NEK7: variants seen among roughly 807,000 people sequenced by gnomAD.
NEK7 encodes the protein serine/threonine-protein kinase Nek7.
Under a neutral mutation model 44.6 loss-of-function variants are expected in NEK7, and 18 were observed. The observed-to-expected ratio is 0.40, with a 90% CI of 0.28 to 0.60. NEK7 has a LOEUF of 0.60. Ranked by LOEUF, NEK7 falls within the 20% of genes least tolerant of loss-of-function variation. NEK7 has a pLI of 0.38. For missense variants in NEK7, 256 were observed against 366.5 expected (o/e 0.70, Z 2.46); for synonymous variants, 130 against 121.1 (o/e 1.07, Z -0.48).
intron 1 of NEK7, among the ~76,000 whole-genome samples, chr1:198,218,365 A>G (rs1053467111): frequency 6.6e-6 from 1 of 152,084 alleles, no homozygotes; most frequent in African/African-American, 2.4e-5. Flanking sequence ...TTGGATAGCC[A>G]CATGTAGAAG....
chr1:198,157,145 TG>T lies in NEK7; in HGVS notation c.-158del, dbSNP rs1450213683. 6.6e-6 allele frequency: 1 copy of T among 150,942 alleles called. No individual in the cohort carries two copies. Among genetic ancestry groups the T allele is most frequent in the Non-Finnish European group, 1.5e-5 (1 of 67,722 alleles). 9.4% of individuals were successfully genotyped at this position (150,942 alleles called of 1,614,324 possible). A position where few individuals can be genotyped will look rare whatever the true frequency, so the allele number is the denominator to read the frequency against. On this transcript the variant is annotated 5_prime_UTR_variant, in exon 1 of 10. Coordinates refer to ENST00000367385, the MANE Select transcript of NEK7 (RefSeq NM_133494.3). ...TCCGCCGGGGCGGCGCGGCGGGAGG[TG>T]GCCGACAGGCTCCGGGCCTCGCAGC...
intron 2 of NEK7, among the ~76,000 whole-genome samples, chr1:198,233,663 C>T (rs1666464115): frequency 6.6e-6 from 1 of 151,678 alleles, no homozygotes; most frequent in African/African-American, 2.4e-5. Context: ...CAGAGCCTTT[C>T]CTACACTAGT....
intron 8 of NEK7, among the ~76,000 whole-genome samples, chr1:198,293,589 G>A (rs1359561086): frequency 6.6e-6 from 1 of 151,876 alleles, no homozygotes; most frequent in Non-Finnish European, 1.5e-5. Context: ...ATCAAAGGAA[G>A]ATGGAATCAT....
intron 3 of NEK7, among the ~76,000 whole-genome samples, chr1:198,258,199 G>T (rs563642100): frequency 6.6e-6 from 1 of 152,278 alleles, no homozygotes; most frequent in Admixed American, 6.5e-5. Flanking sequence ...CCAGCATTTT[G>T]GGAGGCTGAG....
At chr1:198,229,018 C>T (rs551506828) in intron 1 of NEK7, among the ~76,000 whole-genome samples, 42 of 152,226 alleles carry the variant, frequency 2.8e-4, no homozygotes, top group South Asian at 2.1e-4. Flanking sequence ...TTTCAGAAGG[C>T]GTTCTGCCCC....
intron 7 of NEK7, among the ~76,000 whole-genome samples, chr1:198,281,894 G>A (rs983762686): frequency 2.6e-5 from 4 of 151,914 alleles, no homozygotes; most frequent in Admixed American, 2.6e-4. Flanking sequence ...TGTATAGGTG[G>A]CCACATTTCC....
At chr1:198,287,488 T>C (rs951523724) in intron 7 of NEK7, among the ~76,000 whole-genome samples, 1 of 152,172 alleles carries the variant, frequency 6.6e-6, no homozygotes, top group Non-Finnish European at 1.5e-5. Flanking sequence ...AAAATAAATA[T>C]TTCTTTTTTG....
At chr1:198,220,818 GGA>G (rs1333124343) in intron 1 of NEK7, 1 of 151,970 alleles carries the variant, frequency 6.6e-6, no homozygotes, top group Non-Finnish European at 1.5e-5. Flanking sequence ...ATTTTCCTTT[GGA>G]TGGGAGTAGT....
intron 1 of NEK7, among the ~76,000 whole-genome samples, chr1:198,214,415 A>G (rs1310364554): frequency 6.6e-6 from 1 of 152,194 alleles, no homozygotes; most frequent in Non-Finnish European, 1.5e-5. Flanking sequence ...ATGCAAACCA[A>G]CATAAGTTTT....
rs1158152737 is a variant in NEK7, at chr1:198,228,300, G to A, written c.-28-4253G>A. Among the ~76,000 whole-genome samples the A allele has an allele frequency of 7.9e-5, 12 of 152,260 alleles. 1 individual carries two copies. The highest frequency in any genetic ancestry group is 9.6e-5 in the African/African-American group (4 of 41,542). Reference sequence around the variant, plus strand: ...GTAGTATAGTTTGAAGTCAGGTAGTGTGATGCCTCCAGTTTTGTTCTTTTG... The same window carrying A: ...GTAGTATAGTTTGAAGTCAGGTAGTATGATGCCTCCAGTTTTGTTCTTTTG... On this transcript the variant is annotated intron_variant, in intron 1 of 9. Coordinates refer to ENST00000367385, the MANE Select transcript of NEK7 (RefSeq NM_133494.3).
intron 3 of NEK7, among the ~76,000 whole-genome samples, chr1:198,253,501 T>G (rs1653150782): frequency 6.6e-6 from 1 of 152,146 alleles, no homozygotes; most frequent in South Asian, 2.1e-4. Context: ...CTCACTGAAG[T>G]TCTACAGCTA....
intron 5 of NEK7, among the ~76,000 whole-genome samples, chr1:198,268,047 A>AT (rs1191649766): frequency 6.6e-6 from 1 of 150,662 alleles, no homozygotes; most frequent in Non-Finnish European, 1.5e-5. Context: ...CAGTGTCTTG[A>AT]TTTTCTTCCT....
chr1:198,226,139 A>G (rs1182151061), intron 1 of NEK7, among the ~76,000 whole-genome samples: 2 of 151,980 alleles, frequency 1.3e-5, no homozygotes, highest in African/African-American at 2.4e-5. Context: ...TTTTTGTTTC[A>G]TTTTATGAAA....
intron 8 of NEK7, among the ~76,000 whole-genome samples, chr1:198,295,966 G>A (rs1287457144): frequency 1.3e-5 from 2 of 152,012 alleles, no homozygotes; most frequent in Non-Finnish European, 2.9e-5. Context: ...TTGTGTGCAC[G>A]TTTTATGTAA....
Position 198,292,937 on chromosome 1 carries a change from T to G in NEK7, c.590-8T>G. On this transcript the variant is annotated splice_polypyrimidine_tract_variant and splice_region_variant and intron_variant, in intron 7 of 9. Coordinates refer to ENST00000367385, the MANE Select transcript of NEK7 (RefSeq NM_133494.3). ...ACCTCTTACTTTATTTGGTTTGTTT[T>G]TTTGCAGTTGGTACGCCTTATTACA... The G allele has an allele frequency of 6.7e-7, 1 of 1,488,114 alleles. No individual in the cohort carries two copies. Among genetic ancestry groups the G allele is most frequent in the Non-Finnish European group, 9.4e-7 (1 of 1,067,210 alleles). The allele number at this position is 1,488,114 out of a possible 1,614,324, so 92.2% of individuals were successfully genotyped here. A position where few individuals can be genotyped will look rare whatever the true frequency, so the allele number is the denominator to read the frequency against.
At chr1:198,311,422 C>G (rs548768063) in intron 9 of NEK7, among the ~76,000 whole-genome samples, 3 of 151,586 alleles carry the variant, frequency 2.0e-5, no homozygotes, top group African/African-American at 4.9e-5. Flanking sequence ...AATTGAATAC[C>G]CTTTATTTCC....
intron 9 of NEK7, among the ~76,000 whole-genome samples, chr1:198,302,679 T>C (rs1654924589): frequency 6.6e-6 from 1 of 152,234 alleles, no homozygotes; most frequent in Non-Finnish European, 1.5e-5. Context: ...AACATATTTA[T>C]GTGGCTTTGA....
At chr1:198,219,318 G>A (rs1479820674) in intron 1 of NEK7, among the ~76,000 whole-genome samples, 4 of 150,052 alleles carry the variant, frequency 2.7e-5, no homozygotes, top group Admixed American at 6.7e-5. Context: ...GTATATATAT[G>A]TGTGTATGTT....
chr1:198,263,987 TA>T, intron 4 of NEK7, 137 bp from the exon 5 acceptor site: 1 of 752,182 alleles, frequency 1.3e-6, no homozygotes, highest in Non-Finnish European at 1.9e-6. Context: ...CACAATTCAC[TA>T]AAGAAAAGTA....
Sources: allele counts gnomAD v4.1 joint callset (sites outside exome capture counted in the v4.1 genomes callset), GRCh38; gene constraint gnomAD v4.1.1; transcripts MANE v1.5; gene names NCBI Gene and HGNC (gene_info 2026-07-23, HGNC 2026-07-21).